The following PDK1 variants were observed in gnomAD, a reference collection of about 807,000 sequenced individuals.
PDK1 encodes the protein [Pyruvate dehydrogenase (acetyl-transferring)] kinase isozyme 1, mitochondrial.
A neutral mutation model predicts 54.2 loss-of-function variants in PDK1; 39 were observed. The observed-to-expected ratio is 0.72, with a 90% confidence interval of 0.56 to 0.94. The LOEUF (loss-of-function observed/expected upper bound fraction) is 0.94, where lower values mean the gene tolerates loss of function less well. Among genes scored for constraint, PDK1 ranks in the 40% least tolerant of loss-of-function variants. The pLI is 0.00. For synonymous variants in PDK1, 221 were observed against 207.1 expected (o/e 1.07, Z -0.58); for missense variants, 552 against 566.0 (o/e 0.98, Z 0.25).
the PDK1 span, among the ~76,000 whole-genome samples, chr2:172,706,183 C>T: frequency 6.6e-6 from 1 of 152,268 alleles, no homozygotes; most frequent in South Asian, 2.1e-4. Flanking sequence ...TGAATCTGTC[C>T]TCCATTTCTA....
the PDK1 span, among the ~76,000 whole-genome samples, chr2:172,618,019 G>A: frequency 2.0e-5 from 3 of 152,084 alleles, no homozygotes; most frequent in African/African-American, 4.8e-5. Context: ...GTTTTCCATT[G>A]TAATAGATAT....
At chr2:172,652,886 C>T in the PDK1 span, among the ~76,000 whole-genome samples, 2 of 152,144 alleles carry the variant, frequency 1.3e-5, no homozygotes, top group Non-Finnish European at 2.9e-5. Context: ...GTGAAAATGG[C>T]CATACTGCCC....
the PDK1 span, among the ~76,000 whole-genome samples, chr2:172,668,623 T>C: frequency 9.2e-5 from 14 of 151,886 alleles, no homozygotes; most frequent in African/African-American, 3.4e-4. Context: ...GGATGGGTGC[T>C]CTGTAGCTGC....
chr2:172,625,345 A>G, the PDK1 span, among the ~76,000 whole-genome samples: 4 of 152,070 alleles, frequency 2.6e-5, no homozygotes, highest in East Asian at 1.9e-4. Context: ...TTCTCTTTCT[A>G]TCCTTACTGC....
chr2:172,572,423 A>G (rs1255291041), intron 8 of PDK1, among the ~76,000 whole-genome samples: 4 of 152,154 alleles, frequency 2.6e-5, no homozygotes, highest in Non-Finnish European at 5.9e-5. Context: ...CATCAGTCCT[A>G]AGAAAAAACC....
chr2:172,615,512 A>T, the PDK1 span, among the ~76,000 whole-genome samples: 22 of 151,998 alleles, frequency 1.4e-4, no homozygotes, highest in Non-Finnish European at 1.5e-4. Context: ...AATTCCAGCC[A>T]CTCGGGAGGC....
chr2:172,636,743 A>G, the PDK1 span, among the ~76,000 whole-genome samples: 4 of 149,522 alleles, frequency 2.7e-5, no homozygotes, highest in African/African-American at 9.8e-5. Context: ...AAAAGCAAGA[A>G]CTCATTCATT....
At chr2:172,634,960 T>C in the PDK1 span, among the ~76,000 whole-genome samples, 4 of 152,184 alleles carry the variant, frequency 2.6e-5, no homozygotes, top group Non-Finnish European at 4.4e-5. Flanking sequence ...CTTTATTCCA[T>C]TGAAAACTAA....
the PDK1 span, among the ~76,000 whole-genome samples, chr2:172,698,084 T>G: frequency 6.6e-6 from 1 of 152,230 alleles, no homozygotes; most frequent in Non-Finnish European, 1.5e-5. Context: ...GTAATTTTTA[T>G]GGCAGAGATA....
At chr2:172,658,917 G>A in the PDK1 span, among the ~76,000 whole-genome samples, 3 of 152,150 alleles carry the variant, frequency 2.0e-5, no homozygotes, top group African/African-American at 7.2e-5. Flanking sequence ...CCCTTATCAG[G>A]AGTTTTTGAT....
chr2:172,558,621 T>G, intron 1 of PDK1, 87 bp from the exon 2 acceptor site: 1 of 1,222,224 alleles, frequency 8.2e-7, no homozygotes, highest in Non-Finnish European at 1.1e-6. Flanking sequence ...CCTTGCCGGA[T>G]AACTTCCTCT....
At chr2:172,567,035 C>G in intron 6 of PDK1, 102 bp downstream of exon 6, 1 of 736,100 alleles carries the variant, frequency 1.4e-6, no homozygotes, top group Non-Finnish European at 2.3e-6. Flanking sequence ...TTATCAACTT[C>G]GTTGGATATG....
chr2:172,645,119 G>T, the PDK1 span, among the ~76,000 whole-genome samples: 1 of 152,068 alleles, frequency 6.6e-6, no homozygotes, highest in Non-Finnish European at 1.5e-5. Context: ...GAAATTAGCT[G>T]TGATGAGAGT....
At chr2:172,593,153 G>GA in intron 10 of PDK1, 105 bp downstream of exon 10, 1 of 560,588 alleles carries the variant, frequency 1.8e-6, no homozygotes, top group Non-Finnish European at 3.1e-6. Flanking sequence ...TGTTTAAATA[G>GA]AAAAAAACTA....
chr2:172,587,007 T>C (rs1028099115), intron 9 of PDK1, among the ~76,000 whole-genome samples: 4 of 152,230 alleles, frequency 2.6e-5, no homozygotes, highest in Middle Eastern at 3.2e-3. Context: ...AGAAGAACTC[T>C]ATTCTTCTAG....
the PDK1 span, chr2:172,674,695 GC>G: frequency 6.6e-6 from 1 of 152,334 alleles, no homozygotes; most frequent in East Asian, 1.9e-4. Context: ...CTTTTATTTT[GC>G]CAGTTCTTTG....
At chr2:172,683,861 G>T in the PDK1 span, among the ~76,000 whole-genome samples, 2 of 152,214 alleles carry the variant, frequency 1.3e-5, no homozygotes, top group East Asian at 3.8e-4. Flanking sequence ...ACACTGACCT[G>T]TTGTACTTAG....
chr2:172,700,469 C>T, the PDK1 span, among the ~76,000 whole-genome samples: 2 of 151,822 alleles, frequency 1.3e-5, no homozygotes, highest in Non-Finnish European at 2.9e-5. Context: ...AGACGCTCCT[C>T]ACTTCCTAGA....
chr2:172,666,102 T>A, the PDK1 span, among the ~76,000 whole-genome samples: 1 of 152,182 alleles, frequency 6.6e-6, no homozygotes, highest in Non-Finnish European at 1.5e-5. Context: ...ATGTTTTAGG[T>A]CTCTGTTGAG....
Sources: gnomAD v4.1 joint callset for allele counts (sites outside exome capture counted in the v4.1 genomes callset) on GRCh38, gnomAD v4.1.1 for gene constraint, MANE v1.5 for transcripts, NCBI Gene and HGNC (gene_info 2026-07-23, HGNC 2026-07-21) for gene names.